The following STPG4 variants were observed in gnomAD, a reference collection of about 807,000 sequenced individuals.
The protein encoded by STPG4 is sperm-tail PG-rich repeat containing 4.
STPG4 carries 41 observed loss-of-function variants against 31.5 expected under a neutral mutation model. The ratio of observed to expected loss-of-function variants is 1.30; its 90% CI spans 1.01 to 1.69. The LOEUF (loss-of-function observed/expected upper bound fraction) is 1.69. Ranked by LOEUF, STPG4 falls within the 40% of genes most tolerant of loss-of-function variation. STPG4 has a pLI of 0.00. For synonymous variants in STPG4, 141 were observed against 103.0 expected, an observed-to-expected ratio of 1.37 and a Z score of -2.24; for missense variants, 375 against 293.4, an observed-to-expected ratio of 1.28 and a Z score of -2.03.
chr2:47,126,087 G>C (rs1230937515), intron 5 of STPG4, among the ~76,000 whole-genome samples: 2 of 152,114 alleles, frequency 1.3e-5, no homozygotes, highest in Non-Finnish European at 2.9e-5. Context: ...CTCTATGTCT[G>C]TTTTTATGCT....
At chr2:47,151,665 A>G (rs1287892202) in intron 2 of STPG4, 150 bp from the exon 3 acceptor site, 1 of 654,540 alleles carries the variant, frequency 1.5e-6, no homozygotes, top group Admixed American at 2.9e-5. Flanking sequence ...TCTTGACAGA[A>G]GAGTATTTCA....
At chr2:47,125,718 G>C (rs1686351469) in intron 5 of STPG4, among the ~76,000 whole-genome samples, 2 of 105,068 alleles carry the variant, frequency 1.9e-5, no homozygotes, top group African/African-American at 7.5e-5. Flanking sequence ...TGAGGTCTTA[G>C]ATTTAATTTT....
At chr2:47,118,741 A>C (rs1400627999) in intron 5 of STPG4, among the ~76,000 whole-genome samples, 1 of 152,200 alleles carries the variant, frequency 6.6e-6, no homozygotes, top group African/African-American at 2.4e-5. Context: ...AGAGATGATA[A>C]ATTAATACTA....
In STPG4 at chr2:47,087,078, G is replaced by A. The variant is rs1242213774; in HGVS notation, c.677C>T (p.Ser226Phe). The change falls in exon 7 of 7, where the codon TCT becomes TTT. Residue 226 changes from serine to phenylalanine, a missense_variant. Ser to Phe is a radical substitution (Grantham distance 155). Transcript: ENST00000445927. ...TTGGCCCATTTTGGCTATGGTCGGA[G>A]ACTGCTTAGGGAATTGTCTTAAAGT... ...YTTLRQFPKQ[S>F]PTIAKMGQEH... The A allele has an allele frequency of 6.4e-7, 1 of 1,551,804 alleles. No homozygotes were observed. Among genetic ancestry groups the A allele is most frequent in the South Asian group, 1.2e-5 (1 of 84,066 alleles).
At chr2:47,102,733 AC>A (rs1685826153) in intron 5 of STPG4, among the ~76,000 whole-genome samples, 1 of 151,094 alleles carries the variant, frequency 6.6e-6, no homozygotes, top group South Asian at 2.1e-4. Flanking sequence ...ACCATAAAAA[AC>A]CCCGGGCTAT....
chr2:47,102,009 AG>A (rs1232932953), intron 5 of STPG4, among the ~76,000 whole-genome samples: 1 of 151,872 alleles, frequency 6.6e-6, no homozygotes, highest in Non-Finnish European at 1.5e-5. Context: ...AGGACAGGCA[AG>A]GGTGCAGGTT....
intron 5 of STPG4, among the ~76,000 whole-genome samples, chr2:47,109,556 GAAAAAAAA>G (rs533888510): frequency 1.1e-5 from 1 of 88,818 alleles, no homozygotes; most frequent in African/African-American, 4.2e-5. Flanking sequence ...CTATGTATCA[GAAAAAAAA>G]AAAAAAAAAA....
chr2:47,106,401 A>G (rs559644900), intron 5 of STPG4, among the ~76,000 whole-genome samples: 3 of 152,096 alleles, frequency 2.0e-5, no homozygotes, highest in East Asian at 1.9e-4. Flanking sequence ...CCCTATTTAT[A>G]GGGTTAGGAA....
intron 2 of STPG4, among the ~76,000 whole-genome samples, chr2:47,152,634 C>T (rs1686960411): frequency 6.6e-6 from 1 of 152,218 alleles, no homozygotes; most frequent in African/African-American, 2.4e-5. Flanking sequence ...GAAACCAAAA[C>T]ACCTTTCCAG....
At chr2:47,150,440 A>G (rs1686911937) in intron 3 of STPG4, among the ~76,000 whole-genome samples, 1 of 152,022 alleles carries the variant, frequency 6.6e-6, no homozygotes, top group South Asian at 2.1e-4. Flanking sequence ...CAATGCTACA[A>G]ATGAACTGGT....
At chr2:47,142,836 C>CTTTTTTTT (rs10686388) in intron 3 of STPG4, among the ~76,000 whole-genome samples, 34 of 73,846 alleles carry the variant, frequency 4.6e-4, no homozygotes, top group Non-Finnish European at 5.7e-4. Flanking sequence ...TTTATCTCAT[C>CTTTTTTTT]TTTTTTTTTT....
chr2:47,121,381 G>A (rs918644257), intron 5 of STPG4, among the ~76,000 whole-genome samples: 8 of 152,122 alleles, frequency 5.3e-5, no homozygotes, highest in East Asian at 1.9e-4. Context: ...TGAGACCACA[G>A]GCCCCTCCCT....
chr2:47,090,049 G>A (rs558540457), intron 6 of STPG4, among the ~76,000 whole-genome samples: 9 of 152,290 alleles, frequency 5.9e-5, no homozygotes, highest in Admixed American at 5.9e-4. Context: ...TTTTGGGCCT[G>A]GAGTCACTCT....
chr2:47,089,266 C>A (rs1685520228), intron 6 of STPG4, among the ~76,000 whole-genome samples: 1 of 152,092 alleles, frequency 6.6e-6, no homozygotes, highest in Non-Finnish European at 1.5e-5. Context: ...CCCCCAGCCT[C>A]CTGCTGTCAG....
intron 5 of STPG4, among the ~76,000 whole-genome samples, chr2:47,114,962 C>G (rs1007607965): frequency 1.3e-5 from 2 of 151,960 alleles, no homozygotes; most frequent in Admixed American, 6.6e-5. Flanking sequence ...GAGACAGGGT[C>G]TCACCATGTT....
intron 5 of STPG4, among the ~76,000 whole-genome samples, chr2:47,113,416 A>G (rs912944572): frequency 2.0e-5 from 3 of 152,240 alleles, no homozygotes. Flanking sequence ...CAAAGACCAT[A>G]ACCAGAAAGT....
intron 3 of STPG4, among the ~76,000 whole-genome samples, chr2:47,131,397 G>T (rs960560595): frequency 1.3e-5 from 2 of 152,192 alleles, no homozygotes; most frequent in Admixed American, 1.3e-4. Flanking sequence ...AAAGTGCTGG[G>T]ATTACAGATG....
intron 5 of STPG4, among the ~76,000 whole-genome samples, chr2:47,099,990 C>A (rs984004013): frequency 6.6e-6 from 1 of 152,158 alleles, no homozygotes; most frequent in Non-Finnish European, 1.5e-5. Flanking sequence ...TCGGGACCTG[C>A]AGCCCACCAT....
intron 6 of STPG4, 45 bp downstream of exon 6, chr2:47,090,225 C>G: frequency 7.3e-7 from 1 of 1,366,500 alleles, no homozygotes; most frequent in East Asian, 2.5e-5. Context: ...CCACCATAAC[C>G]ATACCCCTAG....
Sources: gnomAD v4.1 joint callset for allele counts (sites outside exome capture counted in the v4.1 genomes callset) on GRCh38, gnomAD v4.1.1 for gene constraint, MANE v1.5 for transcripts, NCBI Gene and HGNC (gene_info 2026-07-23, HGNC 2026-07-21) for gene names.